The following ANKS1B variants were observed in gnomAD, a reference collection of about 807,000 sequenced individuals.
ANKS1B encodes ankyrin repeat and sterile alpha motif domain containing 1B.
Under a neutral mutation model 148.3 loss-of-function variants are expected in ANKS1B, and 36 were observed. The observed-to-expected ratio is 0.24, with a 90% CI of 0.19 to 0.32. The LOEUF is 0.32. ANKS1B is among the 10% of genes least tolerant of loss of function. ANKS1B has a pLI of 1.00. For missense variants in ANKS1B, 1,157 were observed against 1,542.6 expected, an observed-to-expected ratio of 0.75 and a Z score of 4.19; for synonymous variants, 542 against 560.8, an observed-to-expected ratio of 0.97 and a Z score of 0.47.
Position 99,246,367 on chromosome 12 carries a change from A to C in ANKS1B, c.2254T>G (p.Ser752Ala). The change falls in exon 13 of 27, where the codon TCA becomes GCA. Residue 752 changes from serine to alanine, a missense_variant. Coordinates refer to ENST00000683438, the MANE Select transcript of ANKS1B (RefSeq NM_001352186.2). Reference protein sequence around the residue: ...LIAYPSNEKTSRVNWSESSTA... With the variant: ...LIAYPSNEKTARVNWSESSTA... ...GAAGATTCACTCCAGTTAACTCTTG[A>C]TGTTTTCTCATTGGAAGGATAGGCA... The C allele has an allele frequency of 6.2e-7, 1 of 1,613,854 alleles. No individual in the cohort carries two copies. Among genetic ancestry groups the C allele is most frequent in the South Asian group, 1.1e-5 (1 of 91,076 alleles).
At chr12:98,799,495 T>C (rs1434621778) in intron 21 of ANKS1B, among the ~76,000 whole-genome samples, 1 of 121,304 alleles carries the variant, frequency 8.2e-6, no homozygotes, top group Non-Finnish European at 1.6e-5. Context: ...CACAGCTGTG[T>C]GCCCTATGGT....
At chr12:99,931,364 G>T (rs1264344432) in intron 1 of ANKS1B, among the ~76,000 whole-genome samples, 2 of 151,610 alleles carry the variant, frequency 1.3e-5, no homozygotes, top group East Asian at 3.9e-4. Flanking sequence ...TAAAAAAAAA[G>T]AGAATGACAG....
intron 17 of ANKS1B, among the ~76,000 whole-genome samples, chr12:98,942,532 G>A (rs2099838613): frequency 6.6e-6 from 1 of 152,124 alleles, no homozygotes; most frequent in Non-Finnish European, 1.5e-5. Context: ...TCTAGGTTAG[G>A]TTCCCCTCAG....
At chr12:99,634,282 T>C (rs919547350) in intron 9 of ANKS1B, among the ~76,000 whole-genome samples, 1 of 152,012 alleles carries the variant, frequency 6.6e-6, no homozygotes, top group African/African-American at 2.4e-5. Context: ...GACTGGTGGC[T>C]TTATAAGAAG....
chr12:98,923,360 T>C (rs1464367202), intron 17 of ANKS1B, among the ~76,000 whole-genome samples: 1 of 152,162 alleles, frequency 6.6e-6, no homozygotes, highest in African/African-American at 2.4e-5. Context: ...CTCTTTTCTT[T>C]ATAAACTACC....
chr12:99,374,109 G>A (rs1318412794), intron 12 of ANKS1B, among the ~76,000 whole-genome samples: 2 of 152,192 alleles, frequency 1.3e-5, no homozygotes, highest in Non-Finnish European at 2.9e-5. Context: ...TGTGCTGATT[G>A]AGACTTTTTA....
chr12:99,049,921 T>G (rs1243566541), intron 17 of ANKS1B, among the ~76,000 whole-genome samples: 1 of 152,178 alleles, frequency 6.6e-6, no homozygotes, highest in Non-Finnish European at 1.5e-5. Context: ...AGCTGACTTT[T>G]GTATCAAAGG....
chr12:98,743,100 T>C (rs544032557), downstream of ANKS1B, among the ~76,000 whole-genome samples: 1 of 152,376 alleles, frequency 6.6e-6, no homozygotes, highest in East Asian at 1.9e-4. Flanking sequence ...TTTCATTTCT[T>C]TTCAGAAGTA....
In ANKS1B at chr12:99,749,518, A is replaced by G. The variant is rs575469103; in HGVS notation, c.1128+23404T>C. Among the ~76,000 whole-genome samples the G allele has an allele frequency of 4.6e-5, 7 of 152,210 alleles. No homozygotes were observed. The East Asian group carries it at 1.4e-3, about 29-fold the overall frequency. ...GCTAACACATTCCTTTTCTGCATAA[A>G]TCAGTTTGAATTGGTTTTGAAGAGA... On this transcript the variant is annotated intron_variant, in intron 8 of 26. Coordinates refer to ENST00000683438, the MANE Select transcript of ANKS1B (RefSeq NM_001352186.2).
At chr12:99,274,123 T>A (rs543655881) in intron 12 of ANKS1B, among the ~76,000 whole-genome samples, 8 of 152,256 alleles carry the variant, frequency 5.3e-5, no homozygotes, top group Non-Finnish European at 8.8e-5. Context: ...TTTGATCTTT[T>A]GAGGGCTTAA....
At chr12:98,967,640 G>GGGAGGGAAGGGGAGGGGAGC (rs2099879451) in intron 17 of ANKS1B, among the ~76,000 whole-genome samples, 1 of 128,828 alleles carries the variant, frequency 7.8e-6, no homozygotes, top group Admixed American at 7.4e-5. Context: ...AAGAGGGGAG[G>GGGAGGGAAGGGGAGGGGAGC]GGAGGGAAGA....
chr12:99,510,326 CA>C (rs1227873924), intron 9 of ANKS1B, among the ~76,000 whole-genome samples: 2 of 151,908 alleles, frequency 1.3e-5, no homozygotes, highest in Non-Finnish European at 2.9e-5. Flanking sequence ...TGAAACTGAG[CA>C]AAGTAAATTG....
At chr12:99,753,501 C>T (rs2061298091) in intron 8 of ANKS1B, among the ~76,000 whole-genome samples, 1 of 152,070 alleles carries the variant, frequency 6.6e-6, no homozygotes, top group Non-Finnish European at 1.5e-5. Context: ...TGTATCACTG[C>T]TCTGTATACT....
chr12:98,945,800 C>T (rs1338482778), intron 17 of ANKS1B, among the ~76,000 whole-genome samples: 1 of 152,144 alleles, frequency 6.6e-6, no homozygotes, highest in African/African-American at 2.4e-5. Context: ...TCAAGCAAGG[C>T]CAATAAATCA....
intron 14 of ANKS1B, among the ~76,000 whole-genome samples, chr12:99,236,025 C>G (rs2087847250): frequency 6.6e-6 from 1 of 152,188 alleles, no homozygotes; most frequent in Admixed American, 6.5e-5. Flanking sequence ...TGAGCTCTGC[C>G]TCCAGAAATA....
chr12:99,859,557 A>G (rs1488892992), intron 1 of ANKS1B, among the ~76,000 whole-genome samples: 1 of 152,220 alleles, frequency 6.6e-6, no homozygotes, highest in East Asian at 1.9e-4. Context: ...AACTATTATT[A>G]AACTTCATAT....
chr12:98,846,544 T>G (rs1028779870), intron 17 of ANKS1B, among the ~76,000 whole-genome samples: 16 of 152,228 alleles, frequency 1.1e-4, no homozygotes, highest in African/African-American at 3.9e-4. Flanking sequence ...GCCGAAAACC[T>G]CTTTTGTAAG....
chr12:99,364,419 C>T lies in ANKS1B; in HGVS notation c.1756+35212G>A, dbSNP rs76892294. On this transcript the variant is annotated intron_variant, in intron 12 of 26. Transcript: ENST00000683438. Reference sequence around the variant, plus strand: ...CATATGTCCCATGCCTAACTACTTCCGCATCTCCCATCTGAGAAAAATGTA... The same window carrying T: ...CATATGTCCCATGCCTAACTACTTCTGCATCTCCCATCTGAGAAAAATGTA... 7.1e-3 allele frequency among the ~76,000 whole-genome samples: 1,088 copies of T among 152,254 alleles called. 13 individuals carry two copies. Among genetic ancestry groups the T allele is most frequent in the African/African-American group, 0.025 (1,024 of 41,532 alleles).
At chr12:99,650,846 T>C (rs2098414788) in intron 9 of ANKS1B, among the ~76,000 whole-genome samples, 1 of 152,110 alleles carries the variant, frequency 6.6e-6, no homozygotes, top group Non-Finnish European at 1.5e-5. Context: ...TAGCCAATAT[T>C]CTAATTTTGC....
Sources: allele counts gnomAD v4.1 joint callset (sites outside exome capture counted in the v4.1 genomes callset), GRCh38; gene constraint gnomAD v4.1.1; transcripts MANE v1.5; gene names NCBI Gene and HGNC (gene_info 2026-07-23, HGNC 2026-07-21).